The following XRCC6 variants were observed in gnomAD, a reference collection of about 807,000 sequenced individuals.
XRCC6 encodes the protein X-ray repair cross complementing 6.
A neutral mutation model predicts 65.7 loss-of-function variants in XRCC6; 5 were observed. The observed-to-expected ratio is 0.08, with a 90% CI of 0.04 to 0.16. The LOEUF (loss-of-function observed/expected upper bound fraction) is 0.16, where lower values mean the gene tolerates loss of function less well. XRCC6 is among the 10% of genes least tolerant of loss of function. The pLI is 1.00. For synonymous variants in XRCC6, 270 were observed against 270.6 expected, an observed-to-expected ratio of 1.00 and a Z score of 0.02; for missense variants, 447 against 738.1, an observed-to-expected ratio of 0.61 and a Z score of 4.57.
At chr22:41,658,728 A>T (rs2068070297) in intron 11 of XRCC6, among the ~76,000 whole-genome samples, 1 of 152,206 alleles carries the variant, frequency 6.6e-6, no homozygotes, top group African/African-American at 2.4e-5. Flanking sequence ...ATCCTGGCCA[A>T]CATGTCTCTA....
chr22:41,639,667 C>CTTTTTCTTTTTTT (rs2067853033), intron 6 of XRCC6, among the ~76,000 whole-genome samples: 1 of 81,050 alleles, frequency 1.2e-5, no homozygotes, highest in African/African-American at 5.7e-5. Flanking sequence ...GATTCTCTCT[C>CTTTTTCTTTTTTT]TTTTTTTTTT....
At chr22:41,647,650 G>A (rs921127119) in intron 7 of XRCC6, among the ~76,000 whole-genome samples, 2 of 151,720 alleles carry the variant, frequency 1.3e-5, no homozygotes, top group African/African-American at 4.8e-5. Flanking sequence ...CTGGTCTTAA[G>A]TAATCCTCCT....
intron 9 of XRCC6, among the ~76,000 whole-genome samples, chr22:41,655,014 C>A (rs1404841150): frequency 6.6e-6 from 1 of 152,214 alleles, no homozygotes; most frequent in Non-Finnish European, 1.5e-5. Context: ...TGTTCAGCAT[C>A]TCCACACTGT....
chr22:41,627,302 A>G (rs899120606), intron 2 of XRCC6, among the ~76,000 whole-genome samples: 2 of 152,074 alleles, frequency 1.3e-5, no homozygotes, highest in Admixed American at 6.6e-5. Flanking sequence ...GATCATGCCT[A>G]TAATCCCAGC....
intron 2 of XRCC6, among the ~76,000 whole-genome samples, chr22:41,622,814 G>A (rs1265504704): frequency 6.6e-6 from 1 of 151,816 alleles, no homozygotes; most frequent in Non-Finnish European, 1.5e-5. Context: ...GCGTGGTGGC[G>A]GTCGCCTGTA....
At chr22:41,626,562 C>G (rs1339384020) in intron 2 of XRCC6, among the ~76,000 whole-genome samples, 1 of 152,066 alleles carries the variant, frequency 6.6e-6, no homozygotes, top group African/African-American at 2.4e-5. Flanking sequence ...TCAAGTGATT[C>G]TCCTGCCTCA....
intron 7 of XRCC6, among the ~76,000 whole-genome samples, chr22:41,649,846 AAAAT>A (rs1252753429): frequency 5.5e-5 from 5 of 90,206 alleles, no homozygotes; most frequent in Non-Finnish European, 1.5e-4. Context: ...CTCAAAAAAA[AAAAT>A]AATAATAAAT....
At chr22:41,640,910 C>T (rs924122874) in intron 6 of XRCC6, among the ~76,000 whole-genome samples, 1 of 152,080 alleles carries the variant, frequency 6.6e-6, no homozygotes, top group Middle Eastern at 3.2e-3. Context: ...TGCTATGCGA[C>T]CTGACTTCTC....
intron 8 of XRCC6, among the ~76,000 whole-genome samples, chr22:41,653,118 T>G (rs2068016417): frequency 6.6e-6 from 1 of 152,056 alleles, no homozygotes; most frequent in Admixed American, 6.6e-5. Flanking sequence ...ATAAGCCCTT[T>G]AAAGGCTTGG....
intron 11 of XRCC6, among the ~76,000 whole-genome samples, chr22:41,658,646 T>C (rs1298542126): frequency 6.6e-6 from 1 of 152,226 alleles, no homozygotes; most frequent in Non-Finnish European, 1.5e-5. Context: ...CTGGGCACGG[T>C]GGCTCATGCC....
intron 2 of XRCC6, among the ~76,000 whole-genome samples, chr22:41,623,895 G>A (rs1330637312): frequency 6.6e-6 from 1 of 151,804 alleles, no homozygotes; most frequent in Non-Finnish European, 1.5e-5. Context: ...GCTAATTTTT[G>A]TATTTTTAGT....
rs768016678 is a variant in XRCC6, at chr22:41,647,064, C to T, written c.942C>T (p.Ser314=). The T allele has an allele frequency of 3.7e-6, 6 of 1,613,888 alleles. No individual in the cohort carries two copies. The highest frequency in any genetic ancestry group is 1.3e-5 in the African/African-American group (1 of 74,894). Residue 314 remains serine (S), a synonymous_variant, in exon 7 of 13, where the codon AGC becomes AGT. Coordinates refer to ENST00000360079, the MANE Select transcript of XRCC6 (RefSeq NM_001469.5). ...GTACAGGCGGTTTGCTTCTGCCTAG[C>T]GATACCAAGAGGTCTCAGGTAGGTA... ...NTSTGGLLLP[S]DTKRSQIYGS...
intron 6 of XRCC6, among the ~76,000 whole-genome samples, chr22:41,640,258 C>G (rs2067861519): frequency 6.6e-6 from 1 of 152,104 alleles, no homozygotes; most frequent in Non-Finnish European, 1.5e-5. Context: ...ATGCCATTCT[C>G]CTGCCTCAGC....
chr22:41,656,909 A>G lies in XRCC6; in HGVS notation c.1298A>G (p.Gln433Arg). 1 of 1,613,426 alleles carries G rather than the reference A, an allele frequency of 6.2e-7. No individual in the cohort carries two copies. The highest frequency in any genetic ancestry group is 8.5e-7 in the Non-Finnish European group (1 of 1,179,950). The part of the protein sequence containing the change: ...QKIQVTPPGF[Q>R]LVFLPFADDK... ...ATTTATCTCCTTTCTTCAGGCTTCC[A>G]GCTGGTCTTTTTACCCTTTGCTGAT... is the stretch of plus-strand genomic sequence containing the variant. Residue 433 changes from glutamine to arginine, a missense_variant, in exon 10 of 13, where the codon CAG becomes CGG. By Grantham distance (43) the Gln-to-Arg change is conservative. Around this residue, in one of 4 missense-constraint regions of XRCC6, gnomAD observed 201 missense variants for 374.1 expected, o/e 0.54. Transcript: ENST00000360079.
chr22:41,636,318 A>C, intron 4 of XRCC6, 67 bp downstream of exon 4: 1 of 1,530,970 alleles, frequency 6.5e-7, no homozygotes, highest in South Asian at 1.3e-5. Context: ...ATCAAAGAGG[A>C]CTGTGGAGAA....
At chr22:41,650,663 G>A (rs148855402) in intron 7 of XRCC6, 60 bp from the exon 8 acceptor site, 83 of 1,560,048 alleles carry the variant, frequency 5.3e-5, no homozygotes, top group Non-Finnish European at 6.0e-5. Flanking sequence ...CATCATCTTC[G>A]AGTTATTTTG....
intron 8 of XRCC6, among the ~76,000 whole-genome samples, chr22:41,652,623 C>G (rs1184597091): frequency 1.3e-5 from 2 of 152,116 alleles, no homozygotes; most frequent in Non-Finnish European, 2.9e-5. Context: ...GTCTTGGCCT[C>G]CCAGAGTGCT....
intron 3 of XRCC6, among the ~76,000 whole-genome samples, chr22:41,634,424 A>G (rs2067788094): frequency 6.6e-6 from 1 of 151,964 alleles, no homozygotes; most frequent in Non-Finnish European, 1.5e-5. Flanking sequence ...CTTCTGTAGC[A>G]ATCCTCCTGT....
intron 6 of XRCC6, among the ~76,000 whole-genome samples, chr22:41,644,621 G>C (rs1038685027): frequency 5.9e-5 from 9 of 152,020 alleles, no homozygotes; most frequent in Non-Finnish European, 1.0e-4. Flanking sequence ...TAGTAACTGG[G>C]ACTGCAGATG....
Sources: allele counts gnomAD v4.1 joint callset (sites outside exome capture counted in the v4.1 genomes callset), GRCh38; gene constraint gnomAD v4.1.1; regional missense constraint gnomAD v4.1.1; transcripts MANE v1.5; gene names NCBI Gene and HGNC (gene_info 2026-07-23, HGNC 2026-07-21).